Variants in PCDH15 observed in about 807,000 individuals in gnomAD.
PCDH15 encodes protocadherin-15.
A neutral mutation model predicts 178.5 loss-of-function variants in PCDH15; 129 were observed. That is an observed-to-expected ratio of 0.72 (90% CI 0.63 to 0.84). The LOEUF is 0.84. PCDH15 is among the 40% of genes least tolerant of loss of function. PCDH15 has a pLI of 0.00. For synonymous variants in PCDH15, 800 were observed against 732.0 expected (o/e 1.09, Z -1.50); for missense variants, 2,230 against 2,099.9 (o/e 1.06, Z -1.21).
intron 2 of PCDH15, among the ~76,000 whole-genome samples, chr10:55,057,808 A>G (rs558702663): frequency 4.6e-5 from 7 of 152,202 alleles, no homozygotes; most frequent in Non-Finnish European, 8.8e-5. Context: ...ACGAGATTCT[A>G]CTTATCTTTC....
At chr10:55,082,958 T>C (rs1456240286) in intron 2 of PCDH15, among the ~76,000 whole-genome samples, 1 of 152,010 alleles carries the variant, frequency 6.6e-6, no homozygotes, top group Admixed American at 6.6e-5. Flanking sequence ...TGCTGAATTT[T>C]ATTAAACATT....
rs535634668 is a variant in PCDH15 at position 54,313,581 on chromosome 10, T to C, written c.876+3690A>G. 1.7e-3 allele frequency among the ~76,000 whole-genome samples: 262 copies of C among 152,236 alleles called. 3 individuals carry two copies. Among genetic ancestry groups the C allele is most frequent in the African/African-American group, 3.7e-3 (154 of 41,564 alleles). On this transcript the variant is annotated intron_variant, in intron 8 of 37. Transcript: ENST00000644397. ...TGCTATCAATTTTTGCATGTAGAGC[T>C]AGGACTCAAATGTATCTTAATTTTA...
intron 2 of PCDH15, among the ~76,000 whole-genome samples, chr10:55,573,488 C>T (rs763555097): frequency 6.6e-6 from 1 of 152,024 alleles, no homozygotes; most frequent in Non-Finnish European, 1.5e-5. Flanking sequence ...AATAATTCTA[C>T]TACATTTCTT....
intron 15 of PCDH15, among the ~76,000 whole-genome samples, chr10:54,116,525 T>C (rs2095116205): frequency 6.6e-6 from 1 of 152,222 alleles, no homozygotes; most frequent in Non-Finnish European, 1.5e-5. Context: ...CAATGGATGC[T>C]TATGATGTAA....
intron 3 of PCDH15, among the ~76,000 whole-genome samples, chr10:54,392,468 CAAAAAAAAAA>C (rs71007849): frequency 9.8e-4 from 65 of 66,116 alleles, no homozygotes; most frequent in Non-Finnish European, 2.5e-4. Context: ...GAGGCTGTCT[CAAAAAAAAAA>C]AAAAAAAAAA....
chr10:55,053,387 T>C (rs1041973649), intron 2 of PCDH15, among the ~76,000 whole-genome samples: 1 of 152,192 alleles, frequency 6.6e-6, no homozygotes, highest in Non-Finnish European at 1.5e-5. Context: ...AGACGGTACA[T>C]GAGTAGGATT....
intron 2 of PCDH15, among the ~76,000 whole-genome samples, chr10:54,977,957 T>A (rs2131900735): frequency 6.6e-6 from 1 of 152,344 alleles, no homozygotes; most frequent in African/African-American, 2.4e-5. Context: ...GAAAACTATC[T>A]AAATTATGTA....
chr10:55,270,319 G>GA lies in PCDH15; in HGVS notation c.-156+49279dup, dbSNP rs761161124. On this transcript the variant is annotated intron_variant, in intron 1 of 5. Coordinates refer to the PCDH15 transcript ENST00000458638. Reference sequence around the variant, plus strand: ...AATTAAACTAAAGAGTGTCTGCACAGAAAAAGAAAATATCATACAGTAGAC... The same window carrying GA: ...AATTAAACTAAAGAGTGTCTGCACAGAAAAAAGAAAATATCATACAGTAGAC... Among the ~76,000 whole-genome samples the GA allele has an allele frequency of 5.9e-5, 9 of 151,644 alleles. 1 individual carries two copies. The highest frequency in any genetic ancestry group is 1.0e-4 in the Non-Finnish European group (7 of 67,936).
intron 1 of PCDH15, among the ~76,000 whole-genome samples, chr10:54,677,305 A>T (rs1340173608): frequency 6.6e-6 from 1 of 152,176 alleles, no homozygotes; most frequent in Non-Finnish European, 1.5e-5. Flanking sequence ...GTTTGAGCCC[A>T]GGAGTTCAAG....
At chr10:54,847,725 G>A (rs1466809500) in intron 3 of PCDH15, among the ~76,000 whole-genome samples, 1 of 152,176 alleles carries the variant, frequency 6.6e-6, no homozygotes, top group African/African-American at 2.4e-5. Flanking sequence ...AGGGATATGA[G>A]AAGGGTGTGG....
chr10:54,190,230 A>C (rs1386449469), intron 11 of PCDH15, among the ~76,000 whole-genome samples: 1 of 152,138 alleles, frequency 6.6e-6, no homozygotes, highest in Admixed American at 6.6e-5. Context: ...TGGAATAGCT[A>C]TGCTTGAAGC....
intron 15 of PCDH15, among the ~76,000 whole-genome samples, chr10:54,126,595 T>C (rs867067749): frequency 3.3e-5 from 5 of 152,110 alleles, no homozygotes; most frequent in Non-Finnish European, 7.4e-5. Context: ...GTATGATCCC[T>C]TAATTAATTT....
intron 3 of PCDH15, among the ~76,000 whole-genome samples, chr10:54,834,426 G>T (rs1305823295): frequency 1.3e-5 from 2 of 151,870 alleles, no homozygotes; most frequent in Non-Finnish European, 1.5e-5. Flanking sequence ...TGATTCGCCC[G>T]CCTCAGCCTC....
chr10:55,032,311 A>ATGAC (rs1564733714), intron 2 of PCDH15, among the ~76,000 whole-genome samples: 2 of 152,212 alleles, frequency 1.3e-5, no homozygotes, highest in Non-Finnish European at 2.9e-5. Flanking sequence ...GCACTTAAGA[A>ATGAC]TGACTAATCA....
At chr10:54,951,303 T>C (rs910840131) in intron 2 of PCDH15, among the ~76,000 whole-genome samples, 2 of 151,914 alleles carry the variant, frequency 1.3e-5, no homozygotes, top group Non-Finnish European at 2.9e-5. Flanking sequence ...GGATTTCATA[T>C]AGTTGGGATC....
At chr10:53,946,369 T>C (rs147202959) in intron 23 of PCDH15, among the ~76,000 whole-genome samples, 1 of 152,272 alleles carries the variant, frequency 6.6e-6, no homozygotes, top group African/African-American at 2.4e-5. Context: ...CCTAAAATGT[T>C]TCTGTTTTTC....
intron 3 of PCDH15, among the ~76,000 whole-genome samples, chr10:54,421,121 G>C (rs1328741865): frequency 6.6e-6 from 1 of 151,874 alleles, no homozygotes; most frequent in African/African-American, 2.4e-5. Context: ...TTATTGTATT[G>C]TATTGTATTT....
intron 2 of PCDH15, among the ~76,000 whole-genome samples, chr10:55,349,557 A>T (rs10825499): frequency 0.56 from 84,829 of 151,798 alleles, 24,436 homozygotes; most frequent in African/African-American, 0.69. Context: ...CTGAAAAATT[A>T]CCTCTTCTCA....
At chr10:54,769,739 C>T (rs1948884080) in intron 1 of PCDH15, among the ~76,000 whole-genome samples, 1 of 152,046 alleles carries the variant, frequency 6.6e-6, no homozygotes, top group Non-Finnish European at 1.5e-5. Flanking sequence ...CAGTCCAGCT[C>T]TGGTGTCTGT....
Sources: gnomAD v4.1 joint callset for allele counts (sites outside exome capture counted in the v4.1 genomes callset) on GRCh38, gnomAD v4.1.1 for gene constraint, MANE v1.5 for transcripts, NCBI Gene and HGNC (gene_info 2026-07-23, HGNC 2026-07-21) for gene names.